MAP3K5: variants seen among roughly 807,000 people sequenced by gnomAD.
MAP3K5 encodes mitogen-activated protein kinase kinase kinase 5.
In MAP3K5, 56 loss-of-function variants were observed where a neutral mutation model predicts 158.7. The ratio of observed to expected loss-of-function variants is 0.35; its 90% CI spans 0.28 to 0.44. The LOEUF (loss-of-function observed/expected upper bound fraction) is 0.44, where lower values mean the gene tolerates loss of function less well. MAP3K5 is among the 20% of genes least tolerant of loss of function. The pLI, the probability that MAP3K5 is intolerant of heterozygous loss-of-function variation, is 1.00. For missense variants in MAP3K5, 1,294 were observed against 1,674.8 expected (o/e 0.77, Z 3.97); for synonymous variants, 579 against 601.7 (o/e 0.96, Z 0.55).
chr6:136,670,417 T>TA (rs1250062196), intron 7 of MAP3K5, among the ~76,000 whole-genome samples: 1 of 151,952 alleles, frequency 6.6e-6, no homozygotes, highest in Non-Finnish European at 1.5e-5. Flanking sequence ...CTTTTATTTT[T>TA]AAAAAAATCA....
intron 7 of MAP3K5, 21 bp from the exon 8 acceptor site, chr6:136,669,416 A>G: frequency 7.3e-7 from 1 of 1,379,302 alleles, no homozygotes; most frequent in Non-Finnish European, 1.0e-6. Context: ...CCACAAATGT[A>G]CAAGTTAACT....
intron 1 of MAP3K5, among the ~76,000 whole-genome samples, chr6:136,723,334 AAATAT>A (rs760570420): frequency 6.6e-6 from 1 of 152,012 alleles, no homozygotes; most frequent in African/African-American, 2.4e-5. Flanking sequence ...ATAAAAAGTA[AAATAT>A]AATATACATA....
At chr6:136,712,730 G>C (rs1781361936) in intron 2 of MAP3K5, among the ~76,000 whole-genome samples, 1 of 152,172 alleles carries the variant, frequency 6.6e-6, no homozygotes, top group African/African-American at 2.4e-5. Flanking sequence ...ATTCCCACAT[G>C]TTGTGGGAGG....
intron 1 of MAP3K5, among the ~76,000 whole-genome samples, chr6:136,755,691 A>AG (rs1562677216): frequency 1.4e-5 from 2 of 142,738 alleles, no homozygotes; most frequent in African/African-American, 2.6e-5. Context: ...TCTGTCTCCA[A>AG]AAAAAAAAAA....
chr6:136,595,942 G>A (rs1376684769), intron 21 of MAP3K5, among the ~76,000 whole-genome samples: 5 of 152,082 alleles, frequency 3.3e-5, no homozygotes, highest in African/African-American at 9.7e-5. Context: ...CCCAGGAGGC[G>A]GAAGTTGCAG....
Position 136,589,537 on chromosome 6 carries a change from G to A in MAP3K5, c.3225+2636C>T, listed in dbSNP as rs891918977. Among the ~76,000 whole-genome samples, 5 of 152,268 alleles carry A rather than the reference G, an allele frequency of 3.3e-5. No homozygotes were observed. In the East Asian group the frequency reaches 9.6e-4, roughly 29 times the overall value. ...AATTCCAGGGAACACATTTTCCCAG[G>A]TATTATGGTTCTGTGTCCTCCAAAT... On this transcript the variant is annotated intron_variant, in intron 23 of 29. Transcript: ENST00000359015.
chr6:136,724,661 T>C (rs1365609015), intron 1 of MAP3K5, among the ~76,000 whole-genome samples: 1 of 152,222 alleles, frequency 6.6e-6, no homozygotes, highest in East Asian at 1.9e-4. Flanking sequence ...AAGGTGCTTA[T>C]TGGTATAATT....
At chr6:136,586,835 G>T (rs1775162074) in intron 23 of MAP3K5, among the ~76,000 whole-genome samples, 1 of 152,160 alleles carries the variant, frequency 6.6e-6, no homozygotes, top group Non-Finnish European at 1.5e-5. Flanking sequence ...AATGTGAAAA[G>T]AGAGAGTGAC....
intron 25 of MAP3K5, among the ~76,000 whole-genome samples, chr6:136,573,941 T>C (rs1774480805): frequency 6.6e-6 from 1 of 151,726 alleles, no homozygotes; most frequent in Non-Finnish European, 1.5e-5. Context: ...TTTCTTTTTT[T>C]TTTTTTTGAG....
At chr6:136,692,835 G>A (rs1315221966) in intron 7 of MAP3K5, among the ~76,000 whole-genome samples, 10 of 151,974 alleles carry the variant, frequency 6.6e-5, no homozygotes, top group Admixed American at 6.5e-4. Context: ...ACACACCTGT[G>A]GTCCCAGCTA....
At chr6:136,775,529 T>C (rs1041969488) in intron 1 of MAP3K5, among the ~76,000 whole-genome samples, 1 of 152,190 alleles carries the variant, frequency 6.6e-6, no homozygotes, top group Non-Finnish European at 1.5e-5. Context: ...TCATATTAAA[T>C]GTGGCATATC....
chr6:136,639,466 G>A (rs6899936), intron 13 of MAP3K5, 77 bp downstream of exon 13: 1 of 717,472 alleles, frequency 1.4e-6, no homozygotes, highest in Non-Finnish European at 2.4e-6. Flanking sequence ...CTTCACAGGA[G>A]GTACATGTTC....
intron 1 of MAP3K5, among the ~76,000 whole-genome samples, chr6:136,776,898 G>A (rs1274566714): frequency 6.6e-6 from 1 of 152,092 alleles, no homozygotes; most frequent in African/African-American, 2.4e-5. Flanking sequence ...TAATCATCAC[G>A]GCAGGATCGG....
chr6:136,566,086 G>A (rs540311595), intron 26 of MAP3K5, among the ~76,000 whole-genome samples: 6 of 152,252 alleles, frequency 3.9e-5, no homozygotes, highest in African/African-American at 1.2e-4. Flanking sequence ...TGAAGAAAGC[G>A]GCCGGAAGCC....
chr6:136,747,403 T>C (rs1385212493), intron 1 of MAP3K5, among the ~76,000 whole-genome samples: 2 of 152,214 alleles, frequency 1.3e-5, no homozygotes, highest in African/African-American at 2.4e-5. Context: ...AGATACACTC[T>C]GGCCAAAGAA....
chr6:136,726,584 C>G (rs140356881), intron 1 of MAP3K5, among the ~76,000 whole-genome samples: 294 of 151,930 alleles, frequency 1.9e-3, no homozygotes, highest in African/African-American at 6.8e-3. Flanking sequence ...CAGAGCAAGA[C>G]TCTGCCTCAA....
Position 136,646,765 on chromosome 6 carries a change from T to C in MAP3K5, c.1789-4196A>G, listed in dbSNP as rs1336362026. ...CTTGTGAGAACATGTATGTGTATAC[T>C]TGCATACATGCAAAACAATATAAAT... is the stretch of plus-strand genomic sequence containing the variant. On this transcript the variant is annotated intron_variant, in intron 11 of 29. Coordinates refer to ENST00000359015, the MANE Select transcript of MAP3K5 (RefSeq NM_005923.4). Among the ~76,000 whole-genome samples the C allele has an allele frequency of 2.0e-5, 3 of 152,364 alleles. No individual in the cohort carries two copies. The East Asian group carries it at 5.8e-4, about 29-fold the overall frequency.
intron 25 of MAP3K5, among the ~76,000 whole-genome samples, chr6:136,571,184 C>T (rs1774347078): frequency 6.6e-6 from 1 of 152,188 alleles, no homozygotes; most frequent in African/African-American, 2.4e-5. Context: ...AGATGGCTAC[C>T]CAATTTCAAG....
At chr6:136,769,813 GGACGGGAGGGAGGGAGGGA>G (rs1319601109) in intron 1 of MAP3K5, among the ~76,000 whole-genome samples, 380 of 30,854 alleles carry the variant, frequency 0.012, no homozygotes, top group Non-Finnish European at 0.017. Flanking sequence ...GGGAGGGAGG[GGACGGGAGGGAGGGAGGGA>G]AGGGAGGGAG....
Sources: allele counts gnomAD v4.1 joint callset (sites outside exome capture counted in the v4.1 genomes callset), GRCh38; gene constraint gnomAD v4.1.1; transcripts MANE v1.5; gene names NCBI Gene and HGNC (gene_info 2026-07-23, HGNC 2026-07-21).